The following UNC5D variants were observed in gnomAD, a reference collection of about 807,000 sequenced individuals.
UNC5D encodes the protein netrin receptor UNC5D.
A neutral mutation model predicts 105.4 loss-of-function variants in UNC5D; 39 were observed. The ratio of observed to expected loss-of-function variants is 0.37; its 90% CI spans 0.29 to 0.48. The LOEUF is 0.48. UNC5D is among the 20% of genes least tolerant of loss of function. UNC5D has a pLI of 0.98. For missense variants in UNC5D, 991 were observed against 1,202.4 expected (o/e 0.82, Z 2.60); for synonymous variants, 452 against 450.4 (o/e 1.00, Z -0.04).
chr8:35,569,172 A>T (rs964436706), intron 3 of UNC5D, among the ~76,000 whole-genome samples: 1 of 152,086 alleles, frequency 6.6e-6, no homozygotes, highest in Admixed American at 6.6e-5. Context: ...ATTTTAAAAA[A>T]GTTTCATAAA....
At chr8:35,388,790 C>A (rs1039358466) in intron 1 of UNC5D, among the ~76,000 whole-genome samples, 6 of 152,118 alleles carry the variant, frequency 3.9e-5, no homozygotes, top group Non-Finnish European at 7.4e-5. Context: ...TTATCTTTGG[C>A]TTATTTGTCT....
chr8:35,483,031 G>C (rs1365167013), intron 1 of UNC5D, among the ~76,000 whole-genome samples: 1 of 151,932 alleles, frequency 6.6e-6, no homozygotes, highest in East Asian at 1.9e-4. Flanking sequence ...TAGAACTCTT[G>C]ACTTCAGGTG....
intron 1 of UNC5D, among the ~76,000 whole-genome samples, chr8:35,414,599 C>T (rs1642977893): frequency 6.6e-6 from 1 of 151,950 alleles, no homozygotes; most frequent in Non-Finnish European, 1.5e-5. Context: ...TAAAAAATTA[C>T]ACAGGCCATA....
At chr8:35,530,305 AT>A (rs1425139714) in intron 1 of UNC5D, among the ~76,000 whole-genome samples, 7 of 101,404 alleles carry the variant, frequency 6.9e-5, no homozygotes, top group Non-Finnish European at 1.2e-4. Context: ...TGAGATAATC[AT>A]GTGGTTTTTG....
At chr8:35,721,841 C>T (rs1307982249) in intron 8 of UNC5D, among the ~76,000 whole-genome samples, 1 of 152,166 alleles carries the variant, frequency 6.6e-6, no homozygotes, top group East Asian at 1.9e-4. Context: ...TGTGGGTCTG[C>T]CCTCGCTCTG....
intron 1 of UNC5D, among the ~76,000 whole-genome samples, chr8:35,278,576 A>C (rs1805932604): frequency 7.8e-6 from 1 of 128,908 alleles, no homozygotes; most frequent in Admixed American, 8.1e-5. Flanking sequence ...CTAGGGATGT[A>C]AATTTATTTA....
At chr8:35,750,446 A>C (rs1830218856) in intron 12 of UNC5D, 136 bp from the exon 13 acceptor site, 1 of 860,064 alleles carries the variant, frequency 1.2e-6, no homozygotes, top group South Asian at 1.6e-5. Flanking sequence ...AACAGTTAAC[A>C]TCGGGATAAT....
chr8:35,285,561 G>A (rs1248855001), intron 1 of UNC5D, among the ~76,000 whole-genome samples: 3 of 152,016 alleles, frequency 2.0e-5, no homozygotes, highest in Non-Finnish European at 2.9e-5. Context: ...TGAGATAAAG[G>A]GTAAAAATCA....
intron 1 of UNC5D, among the ~76,000 whole-genome samples, chr8:35,482,979 T>G (rs986523677): frequency 6.6e-6 from 1 of 151,740 alleles, no homozygotes; most frequent in Non-Finnish European, 1.5e-5. Context: ...ATTTTTGTAT[T>G]TTTAGTAGAG....
chr8:35,358,224 A>G (rs1013292683), intron 1 of UNC5D, among the ~76,000 whole-genome samples: 8 of 152,202 alleles, frequency 5.3e-5, no homozygotes, highest in African/African-American at 9.6e-5. Flanking sequence ...ACTGTTCACA[A>G]TAGCAAAGAC....
At chr8:35,469,499 G>A (rs1809556691) in intron 1 of UNC5D, among the ~76,000 whole-genome samples, 1 of 152,172 alleles carries the variant, frequency 6.6e-6, no homozygotes, top group African/African-American at 2.4e-5. Context: ...GAGTGTCTAT[G>A]TTTGTGGGGA....
chr8:35,677,890 C>CTGTGTGTGTGTGTGTA (rs1825363419), intron 4 of UNC5D, among the ~76,000 whole-genome samples: 1 of 149,252 alleles, frequency 6.7e-6, no homozygotes, highest in Non-Finnish European at 1.5e-5. Flanking sequence ...GTGTGAGTGT[C>CTGTGTGTGTGTGTGTA]TGTGTGTGTG....
intron 1 of UNC5D, among the ~76,000 whole-genome samples, chr8:35,472,862 A>G (rs1474166318): frequency 6.6e-6 from 1 of 152,176 alleles, no homozygotes; most frequent in Non-Finnish European, 1.5e-5. Flanking sequence ...AAAGAATGAT[A>G]GATGGAAAAT....
At chr8:35,686,513 C>A in intron 6 of UNC5D, 32 bp from the exon 7 acceptor site, 1 of 1,530,060 alleles carries the variant, frequency 6.5e-7, no homozygotes, top group Non-Finnish European at 8.7e-7. Context: ...TTGATTCATT[C>A]TAACAATGGT....
intron 1 of UNC5D, among the ~76,000 whole-genome samples, chr8:35,468,447 A>G (rs1170193843): frequency 3.9e-5 from 6 of 152,190 alleles, no homozygotes; most frequent in Non-Finnish European, 8.8e-5. Context: ...TCAAATGTGG[A>G]CATTCAGTTC....
chr8:35,701,414 C>T (rs541139034), intron 7 of UNC5D, among the ~76,000 whole-genome samples: 1 of 152,284 alleles, frequency 6.6e-6, no homozygotes, highest in African/African-American at 2.4e-5. Flanking sequence ...TCTGTAGTCC[C>T]AGGGATGTGG....
chr8:35,677,866 G>C (rs943726759), intron 4 of UNC5D, among the ~76,000 whole-genome samples: 2 of 150,612 alleles, frequency 1.3e-5, no homozygotes, highest in East Asian at 2.0e-4. Context: ...CATGAGAGTA[G>C]GTTTTTATAG....
intron 1 of UNC5D, among the ~76,000 whole-genome samples, chr8:35,307,135 C>CA (rs1157458511): frequency 2.6e-5 from 4 of 151,872 alleles, no homozygotes; most frequent in East Asian, 3.9e-4. Flanking sequence ...AAAAAAATTA[C>CA]AAAAAATCTC....
At chr8:35,351,210 G>A (rs1347919064) in intron 1 of UNC5D, among the ~76,000 whole-genome samples, 1 of 152,018 alleles carries the variant, frequency 6.6e-6, no homozygotes, top group African/African-American at 2.4e-5. Context: ...GCACAGCCTT[G>A]AGACTCACTT....
Sources: gnomAD v4.1 joint callset for allele counts (sites outside exome capture counted in the v4.1 genomes callset) on GRCh38, gnomAD v4.1.1 for gene constraint, MANE v1.5 for transcripts, NCBI Gene and HGNC (gene_info 2026-07-23, HGNC 2026-07-21) for gene names.